HS2ST1: variants seen among roughly 807,000 people sequenced by gnomAD.
HS2ST1 encodes heparan sulfate 2-O-sulfotransferase 1.
HS2ST1 carries 18 observed loss-of-function variants against 42.9 expected under a neutral mutation model. The ratio of observed to expected loss-of-function variants is 0.42; its 90% CI spans 0.29 to 0.62. HS2ST1 has a LOEUF of 0.62. Ranked by LOEUF, HS2ST1 falls within the 20% of genes least tolerant of loss-of-function variation. The pLI, the probability that HS2ST1 is intolerant of heterozygous loss-of-function variation, is 0.21. For missense variants in HS2ST1, 334 were observed against 433.8 expected, an observed-to-expected ratio of 0.77 and a Z score of 2.04; for synonymous variants, 146 against 152.9, an observed-to-expected ratio of 0.95 and a Z score of 0.33.
intron 1 of HS2ST1, among the ~76,000 whole-genome samples, chr1:86,922,706 T>C (rs753904709): frequency 2.1e-4 from 32 of 152,210 alleles, no homozygotes; most frequent in Admixed American, 3.3e-4. Context: ...CATCATTCTT[T>C]GTTCAACTAT....
At chr1:86,980,445 A>AAG (rs1268391578) in intron 1 of HS2ST1, among the ~76,000 whole-genome samples, 1 of 152,084 alleles carries the variant, frequency 6.6e-6, no homozygotes, top group African/African-American at 2.4e-5. Flanking sequence ...AATGCTAACA[A>AAG]TGGTTCTAGG....
chr1:86,961,736 C>T (rs1399520184), intron 1 of HS2ST1, among the ~76,000 whole-genome samples: 1 of 152,070 alleles, frequency 6.6e-6, no homozygotes, highest in Admixed American at 6.6e-5. Context: ...ACTCCAGAAA[C>T]ACCCTATACT....
intron 1 of HS2ST1, among the ~76,000 whole-genome samples, chr1:87,054,082 A>G (rs1319867330): frequency 6.6e-6 from 1 of 152,260 alleles, no homozygotes; most frequent in African/African-American, 2.4e-5. Flanking sequence ...TGGGCACATG[A>G]AACTCACTGT....
chr1:87,022,144 G>A lies in HS2ST1; in HGVS notation c.125-50790G>A, dbSNP rs374785864. Among the ~76,000 whole-genome samples the A allele has an allele frequency of 1.2e-4, 18 of 151,998 alleles. No individual in the cohort carries two copies. In the East Asian group the frequency reaches 2.1e-3, roughly 18 times the overall value. On this transcript the variant is annotated intron_variant, in intron 1 of 6. Coordinates refer to ENST00000370550, the MANE Select transcript of HS2ST1 (RefSeq NM_012262.4). ...TTATTTTAATTTGAAAAAAACAGTC[G>A]GCTGGTATTATTAAGTGGAAAAAAT... is the stretch of plus-strand genomic sequence containing the variant.
At chr1:86,978,422 G>A (rs959641796) in intron 1 of HS2ST1, among the ~76,000 whole-genome samples, 6 of 152,144 alleles carry the variant, frequency 3.9e-5, no homozygotes, top group Non-Finnish European at 7.3e-5. Context: ...TACTCAAAAA[G>A]GGAATACTCA....
chr1:87,098,083 T>C (rs1033637803), intron 5 of HS2ST1, 148 bp downstream of exon 5: 1 of 1,432,690 alleles, frequency 7.0e-7, no homozygotes. Context: ...GTTTTGCAGT[T>C]ACTTTTAAAT....
At chr1:86,980,339 G>A (rs887218522) in intron 1 of HS2ST1, among the ~76,000 whole-genome samples, 1 of 152,088 alleles carries the variant, frequency 6.6e-6, no homozygotes, top group Non-Finnish European at 1.5e-5. Context: ...AGTGAAAATA[G>A]TAATATTAAA....
chr1:86,928,845 G>A (rs1286548536), intron 1 of HS2ST1, among the ~76,000 whole-genome samples: 2 of 151,862 alleles, frequency 1.3e-5, no homozygotes, highest in African/African-American at 4.8e-5. Context: ...TAAAATAAGG[G>A]ATATGTATGA....
At chr1:86,927,012 G>A (rs1660435584) in intron 1 of HS2ST1, among the ~76,000 whole-genome samples, 1 of 152,160 alleles carries the variant, frequency 6.6e-6, no homozygotes, top group Non-Finnish European at 1.5e-5. Context: ...GACTCTTTCA[G>A]ACTGGCTGAT....
chr1:87,089,952 T>C (rs1285805590), intron 3 of HS2ST1, among the ~76,000 whole-genome samples: 1 of 152,052 alleles, frequency 6.6e-6, no homozygotes, highest in Non-Finnish European at 1.5e-5. Context: ...GAGGAGATTA[T>C]TCTCAAAGGA....
intron 1 of HS2ST1, among the ~76,000 whole-genome samples, chr1:86,930,424 C>A (rs1660519783): frequency 6.6e-6 from 1 of 151,838 alleles, no homozygotes; most frequent in Admixed American, 6.6e-5. Context: ...ACAACATGAA[C>A]CTTTTACATT....
intron 5 of HS2ST1, among the ~76,000 whole-genome samples, chr1:87,101,151 T>TG (rs1652192586): frequency 1.3e-5 from 1 of 76,506 alleles, no homozygotes; most frequent in Admixed American, 1.3e-4. Context: ...GTGTGTGTGT[T>TG]TTTTGTTTTT....
chr1:86,956,667 A>G (rs1647686920), intron 1 of HS2ST1: 1 of 152,078 alleles, frequency 6.6e-6, no homozygotes, highest in African/African-American at 2.4e-5. Context: ...ATTTTATGTT[A>G]TTAGAAAACC....
chr1:87,032,408 G>A (rs891834872), intron 1 of HS2ST1, among the ~76,000 whole-genome samples: 2 of 152,000 alleles, frequency 1.3e-5, no homozygotes, highest in African/African-American at 2.4e-5. Context: ...GTTAAAGGAC[G>A]AAAAAGAGAC....
At chr1:87,091,275 T>C (rs1651933795) in intron 3 of HS2ST1, among the ~76,000 whole-genome samples, 1 of 151,844 alleles carries the variant, frequency 6.6e-6, no homozygotes, top group Non-Finnish European at 1.5e-5. Context: ...AGCAAAGATA[T>C]ATAAAGAGAA....
rs572743365 is a variant in HS2ST1, at chr1:87,060,278, A to G, written c.125-12656A>G. Among the ~76,000 whole-genome samples, 182 of 152,306 alleles carry G rather than the reference A, an allele frequency of 1.2e-3. 1 individual carries two copies. The highest frequency in any genetic ancestry group is 4.1e-3 in the African/African-American group (171 of 41,570). ...AGGAATGTTGCAGGAAACAATTGCA[A>G]AATGCTTTTGCAATCCCAAAATAAA... On this transcript the variant is annotated intron_variant, in intron 1 of 6. Coordinates refer to ENST00000370550, the MANE Select transcript of HS2ST1 (RefSeq NM_012262.4).
rs535835644 is a variant in HS2ST1 at position 87,083,531 on chromosome 1, T to TA, written c.364-663_364-662insA. ...TTTATCAAATTCTATATTAACCAGT[T>TA]TTAGACATATTAAAATATACTTATA... On this transcript the variant is annotated intron_variant, in intron 2 of 6. Coordinates refer to ENST00000370550, the MANE Select transcript of HS2ST1 (RefSeq NM_012262.4). Among the ~76,000 whole-genome samples the TA allele has an allele frequency of 1.2e-3, 182 of 152,296 alleles. 1 individual carries two copies. Among genetic ancestry groups the TA allele is most frequent in the African/African-American group, 4.1e-3 (171 of 41,574 alleles).
intron 1 of HS2ST1, among the ~76,000 whole-genome samples, chr1:86,921,971 C>G (rs77779315): frequency 6.6e-6 from 1 of 152,218 alleles, no homozygotes; most frequent in African/African-American, 2.4e-5. Flanking sequence ...ATTTCACAAT[C>G]TCTTTTGTTA....
intron 1 of HS2ST1, among the ~76,000 whole-genome samples, chr1:86,950,594 T>C (rs1332842602): frequency 6.6e-6 from 1 of 152,192 alleles, no homozygotes. Flanking sequence ...CATAGGAAAA[T>C]ACTCTTCTTC....
Sources: gnomAD v4.1 joint callset for allele counts (sites outside exome capture counted in the v4.1 genomes callset) on GRCh38, gnomAD v4.1.1 for gene constraint, MANE v1.5 for transcripts, NCBI Gene and HGNC (gene_info 2026-07-23, HGNC 2026-07-21) for gene names.